UGT2A2: variants seen among roughly 807,000 people sequenced by gnomAD.
The protein encoded by UGT2A2 is UDP glucuronosyltransferase family 2 member A2, also known as UDP-glucuronosyltransferase 2A2.
In UGT2A2, 60 loss-of-function variants were observed where a neutral mutation model predicts 50.7. The observed-to-expected ratio is 1.18, with a 90% CI of 0.96 to 1.47. The LOEUF is 1.47. Among genes scored for constraint, UGT2A2 ranks in the 40% most tolerant of loss-of-function variants. The pLI, the probability that UGT2A2 is intolerant of heterozygous loss-of-function variation, is 0.00. For synonymous variants in UGT2A2, 242 were observed against 214.6 expected (o/e 1.13, Z -1.11); for missense variants, 762 against 634.0 (o/e 1.20, Z -2.17).
Position 69,627,271 on chromosome 4 carries a change from T to TA in UGT2A2, c.742+11627dup, listed in dbSNP as rs933335367. Among the ~76,000 whole-genome samples the TA allele has an allele frequency of 4.0e-5, 6 of 151,736 alleles. No homozygotes were observed. The Middle Eastern group carries it at 0.01, about 260-fold the overall frequency. ...TGTTTTGGAATTACTCAGAGATTTA[T>TA]AAAAAAAATCAAATCCACTGCTTAT... On this transcript the variant is annotated intron_variant, in intron 1 of 5. Transcript: ENST00000604629.
chr4:69,616,363 A>G (rs1187781490), intron 1 of UGT2A2, among the ~76,000 whole-genome samples: 2 of 151,984 alleles, frequency 1.3e-5, no homozygotes, highest in Non-Finnish European at 2.9e-5. Flanking sequence ...GTGTTTTAAA[A>G]TGACTAAGAG....
intron 1 of UGT2A2, among the ~76,000 whole-genome samples, chr4:69,618,765 C>T (rs1483370293): frequency 1.3e-5 from 2 of 151,772 alleles, no homozygotes; most frequent in Non-Finnish European, 2.9e-5. Flanking sequence ...TACTCCAATA[C>T]CTTTATTGGT....
chr4:69,621,114 C>T (rs72637477), intron 1 of UGT2A2, among the ~76,000 whole-genome samples: 5,115 of 151,902 alleles, frequency 0.034, 119 homozygotes, highest in Non-Finnish European at 0.056. Flanking sequence ...ACAAAGATGC[C>T]GAAAGCAATC....
At chr4:69,611,158 T>G (rs1337838459) in intron 1 of UGT2A2, among the ~76,000 whole-genome samples, 13 of 151,762 alleles carry the variant, frequency 8.6e-5, no homozygotes, top group Admixed American at 8.5e-4. Flanking sequence ...TTTTGTTTTA[T>G]TTTTTGAGAC....
chr4:69,613,895 C>G (rs575721894), intron 1 of UGT2A2, among the ~76,000 whole-genome samples: 1 of 152,070 alleles, frequency 6.6e-6, no homozygotes, highest in Non-Finnish European at 1.5e-5. Flanking sequence ...AAATTGAAAG[C>G]CTTTCTTCTA....
In UGT2A2 at chr4:69,589,414, A is replaced by G. The variant is rs1718450466; in HGVS notation, c.1569T>C (p.Cys523=). The part of the protein sequence containing the change: ...FLVIQCCLFS[C]QKFGKIGKKK... Reference sequence around the variant, plus strand: ...TCTTTCCTATCTTACCAAATTTTTGACAGGAAAACAAACAACATTGTATGA... The same window carrying G: ...TCTTTCCTATCTTACCAAATTTTTGGCAGGAAAACAAACAACATTGTATGA... Residue 523 remains cysteine, a synonymous_variant, in exon 6 of 6, where the codon TGT becomes TGC. Coordinates refer to ENST00000604629, the MANE Select transcript of UGT2A2 (RefSeq NM_001105677.2). The G allele has an allele frequency of 6.2e-7, 1 of 1,613,428 alleles. No individual in the cohort carries two copies. The highest frequency in any genetic ancestry group is 1.1e-5 in the South Asian group (1 of 90,986).
At chr4:69,599,593 A>C in intron 1 of UGT2A2, 199 bp from the exon 2 acceptor site, 1 of 736,238 alleles carries the variant, frequency 1.4e-6, no homozygotes, top group Non-Finnish European at 1.9e-6. Flanking sequence ...GGAAGAAAAG[A>C]AGGAAGGAAG....
chr4:69,635,625 C>A, intron 1 of UGT2A2: 1 of 190,970 alleles, frequency 5.2e-6, no homozygotes, highest in South Asian at 5.9e-5. Context: ...AGGTCAGGAA[C>A]TTGAGACCAG....
chr4:69,632,805 T>C (rs763302382), intron 1 of UGT2A2, among the ~76,000 whole-genome samples: 130 of 151,894 alleles, frequency 8.6e-4, no homozygotes, highest in Admixed American at 2.5e-3. Context: ...GGAAAATCGC[T>C]TGAACCCAGG....
chr4:69,595,105 A>G, intron 4 of UGT2A2, 57 bp downstream of exon 4: 1 of 1,587,726 alleles, frequency 6.3e-7, no homozygotes, highest in Non-Finnish European at 8.6e-7. Context: ...GCTATTAAAC[A>G]GTTACTTAAC....
intron 1 of UGT2A2, among the ~76,000 whole-genome samples, chr4:69,619,033 A>G (rs559459762): frequency 7.9e-5 from 12 of 152,010 alleles, no homozygotes; most frequent in Non-Finnish European, 1.3e-4. Context: ...TATACAATAT[A>G]TGTATATACA....
At position 69,594,468 on chromosome 4, in the gene UGT2A2, A is replaced by G; in HGVS notation, c.1331+9T>C. ...AGTTAGGCAAGTTTTTAGGAGCCTT[A>G]GTACTTACGAAGGTTCATTAATGAC... is the stretch of plus-strand genomic sequence containing the variant. On this transcript the variant is annotated intron_variant, in intron 5 of 5. Transcript: ENST00000604629. The G allele has an allele frequency of 6.2e-7, 1 of 1,613,976 alleles. No homozygotes were observed. Among genetic ancestry groups the G allele is most frequent in the Non-Finnish European group, 8.5e-7 (1 of 1,179,946 alleles).
At chr4:69,597,583 G>C (rs986536933) in intron 2 of UGT2A2, among the ~76,000 whole-genome samples, 6 of 152,088 alleles carry the variant, frequency 3.9e-5, no homozygotes, top group Non-Finnish European at 7.4e-5. Context: ...AACTAGGGGA[G>C]GGTGATATCT....
chr4:69,620,800 A>G (rs1720706827), intron 1 of UGT2A2, among the ~76,000 whole-genome samples: 1 of 151,948 alleles, frequency 6.6e-6, no homozygotes, highest in Non-Finnish European at 1.5e-5. Flanking sequence ...AGAAACATAG[A>G]CAAAGGAAAC....
Position 69,599,306 on chromosome 4 carries a change from G to T in UGT2A2, c.831C>A (p.Tyr277Ter). The T allele has an allele frequency of 6.2e-7, 1 of 1,613,876 alleles. No homozygotes were observed. The highest frequency in any genetic ancestry group is 8.5e-7 in the Non-Finnish European group (1 of 1,179,936). Residue 277 changes from tyrosine to a stop codon, truncating the protein, a stop_gained, in exon 2 of 6, where the codon TAC (tyrosine) becomes TAA (stop). Coordinates refer to ENST00000604629, the MANE Select transcript of UGT2A2 (RefSeq NM_001105677.2). LOFTEE classifies it high-confidence loss of function. ...TYWDFEFPRPYLPNFEFVGGL... is the reference protein window; with the variant it reads ...TYWDFEFPRP Reference sequence around the variant, plus strand: ...CTCCAACAAACTCAAAATTAGGTAAGTATGGACGAGGAAATTCAAAATCCC... The same window carrying T: ...CTCCAACAAACTCAAAATTAGGTAATTATGGACGAGGAAATTCAAAATCCC...
intron 1 of UGT2A2, among the ~76,000 whole-genome samples, chr4:69,611,940 A>G (rs72853641): frequency 0.013 from 1,968 of 152,218 alleles, 35 homozygotes; most frequent in African/African-American, 0.045. Context: ...ATTCCATTAC[A>G]TGGAAATGTA....
chr4:69,607,373 A>T (rs566602443), intron 1 of UGT2A2, among the ~76,000 whole-genome samples: 7 of 151,698 alleles, frequency 4.6e-5, no homozygotes, highest in Non-Finnish European at 1.0e-4. Flanking sequence ...CATATGTAGA[A>T]AGCTGAACCT....
At chr4:69,637,997 CAGGA>C (rs200856756) in intron 1 of UGT2A2, among the ~76,000 whole-genome samples, 1,669 of 133,054 alleles carry the variant, frequency 0.013, 15 homozygotes, top group African/African-American at 0.025. Flanking sequence ...GGAAGGCAGG[CAGGA>C]AGGAAGGAAG....
At chr4:69,632,885 CAAAAA>C (rs199639033) in intron 1 of UGT2A2, among the ~76,000 whole-genome samples, 1 of 87,598 alleles carries the variant, frequency 1.1e-5, no homozygotes, top group African/African-American at 4.0e-5. Context: ...AAGACTCGGT[CAAAAA>C]AAAAAAAAAA....
Sources: gnomAD v4.1 joint callset for allele counts (sites outside exome capture counted in the v4.1 genomes callset) on GRCh38, gnomAD v4.1.1 for gene constraint, MANE v1.5 for transcripts, NCBI Gene and HGNC (gene_info 2026-07-23, HGNC 2026-07-21) for gene names.